The following PRPF6 variants were observed in gnomAD, a reference collection of about 807,000 sequenced individuals.
PRPF6 encodes the protein pre-mRNA processing factor 6.
Under a neutral mutation model 118.3 loss-of-function variants are expected in PRPF6, and 42 were observed. The ratio of observed to expected loss-of-function variants is 0.35; its 90% CI spans 0.28 to 0.46. The LOEUF is 0.46. Among genes scored for constraint, PRPF6 ranks in the 20% least tolerant of loss-of-function variants. The pLI is 1.00. For missense variants in PRPF6, 662 were observed against 1,255.7 expected, an observed-to-expected ratio of 0.53 and a Z score of 7.15; for synonymous variants, 481 against 485.1, an observed-to-expected ratio of 0.99 and a Z score of 0.11.
intron 12 of PRPF6, among the ~76,000 whole-genome samples, chr20:64,019,477 G>C (rs551175050): frequency 6.6e-6 from 1 of 152,288 alleles, no homozygotes; most frequent in East Asian, 1.9e-4. Flanking sequence ...GAGTAAGGAG[G>C]ACAGTGTTTT....
chr20:63,994,897 G>A lies in PRPF6; in HGVS notation c.439-19G>A, dbSNP rs771921120. The A allele has an allele frequency of 1.3e-5, 21 of 1,614,112 alleles. No homozygotes were observed. The highest frequency in any genetic ancestry group is 1.6e-5 in the Non-Finnish European group (19 of 1,180,016). On this transcript the variant is annotated intron_variant, in intron 4 of 20. Coordinates refer to ENST00000266079, the MANE Select transcript of PRPF6 (RefSeq NM_012469.4). ...ATTCTGTCAGAGAATTAATGTTTTTGGGGGCTGGATATTTCCAGAGGAAGT... is the reference window on the plus strand; with the variant it reads ...ATTCTGTCAGAGAATTAATGTTTTTAGGGGCTGGATATTTCCAGAGGAAGT...
chr20:64,032,980 A>G lies in PRPF6; in HGVS notation c.2813A>G (p.Lys938Arg). The G allele has an allele frequency of 2.5e-6, 4 of 1,613,324 alleles. No homozygotes were observed. The highest frequency in any genetic ancestry group is 1.7e-5 in the Admixed American group (1 of 60,026). The change falls in exon 21 of 21, where the codon AAG (lysine) becomes AGG (arginine). Residue 938 changes from lysine to arginine, a missense_variant. Lys to Arg is a conservative substitution (Grantham distance 26). This residue lies in a region of PRPF6 where 244 missense variants were observed against 383.7 expected (regional missense o/e 0.64). Transcript: ENST00000266079. The part of the protein sequence containing the change: ...DILRLVAGRI[K>R]NTF ...CTTAGGCTGGTGGCCGGCCGCATCA[A>G]GAACACCTTCTGATTGAGCGGTTGC...
intron 9 of PRPF6, among the ~76,000 whole-genome samples, chr20:64,005,176 G>T (rs2059184446): frequency 6.6e-6 from 1 of 152,134 alleles, no homozygotes; most frequent in South Asian, 2.1e-4. Context: ...AAGCACCTGG[G>T]GAAGGTGACC....
In PRPF6 at chr20:64,010,253, G is replaced by A; in HGVS notation, c.1240G>A (p.Glu414Lys). ...VRLWKAAVELEEPEDARIMLS... is the reference protein window; with the variant it reads ...VRLWKAAVELKEPEDARIMLS... ...CTTGTGGAAAGCAGCCGTTGAGCTG[G>A]AAGAACCTGAAGATGCTAGAATCAT... Residue 414 changes from glutamate to lysine, a missense_variant, in exon 10 of 21, where the codon GAA becomes AAA. By Grantham distance (56) the Glu-to-Lys change is moderately conservative (BLOSUM62 1). Around this residue, in one of 10 missense-constraint regions of PRPF6, gnomAD observed 189 missense variants for 323.5 expected, o/e 0.58. Transcript: ENST00000266079. The A allele has an allele frequency of 6.2e-7, 1 of 1,614,156 alleles. No individual in the cohort carries two copies. The highest frequency in any genetic ancestry group is 8.5e-7 in the Non-Finnish European group (1 of 1,180,040).
intron 3 of PRPF6, among the ~76,000 whole-genome samples, chr20:63,991,983 T>C (rs1432582797): frequency 1.3e-5 from 2 of 152,164 alleles, no homozygotes; most frequent in Non-Finnish European, 2.9e-5. Flanking sequence ...GTGAACTATT[T>C]ACTTGGAAGA....
In PRPF6 at chr20:64,028,487, C is replaced by G; in HGVS notation, c.2349C>G (p.Ser783=). 6.2e-7 allele frequency: 1 copy of G among 1,613,840 alleles called. No individual in the cohort carries two copies. The highest frequency in any genetic ancestry group is 8.5e-7 in the Non-Finnish European group (1 of 1,179,972). ...NPKNPGLWLE[S]VRLEYRAGLK... Reference sequence around the variant, plus strand: ...GGGCCTGTCTCCTCAGGTTGGAGTCCGTGCGGCTGGAGTACCGTGCGGGGC... The same window carrying G: ...GGGCCTGTCTCCTCAGGTTGGAGTCGGTGCGGCTGGAGTACCGTGCGGGGC... The change falls in exon 18 of 21, where the codon TCC becomes TCG. Residue 783 remains serine, a synonymous_variant. Transcript: ENST00000266079. This position sits in a 1 kb window ranked among gnomAD's most constrained non-coding sequence, Gnocchi z 6.5.
intron 10 of PRPF6, 139 bp downstream of exon 10, chr20:64,010,457 A>T: frequency 1.3e-6 from 1 of 769,026 alleles, no homozygotes; most frequent in Non-Finnish European, 2.3e-6. Flanking sequence ...GGCCCTGTGG[A>T]ACCCCAGGAT....
At chr20:63,997,845 G>T (rs1183018105) in intron 6 of PRPF6, among the ~76,000 whole-genome samples, 1 of 152,056 alleles carries the variant, frequency 6.6e-6, no homozygotes, top group Non-Finnish European at 1.5e-5. Context: ...AAAGTGCTGG[G>T]ATTACAGGCA....
At chr20:63,993,671 C>T (rs985820747) in intron 4 of PRPF6, among the ~76,000 whole-genome samples, 186 bp downstream of exon 4, 1 of 149,284 alleles carries the variant, frequency 6.7e-6, no homozygotes. Context: ...AAAACCCTTC[C>T]CCTACTGTAA....
chr20:64,006,316 C>CTTTT lies in PRPF6; in HGVS notation c.1187-3869_1187-3866dup, dbSNP rs5842437. 9.8e-5 allele frequency among the ~76,000 whole-genome samples: 10 copies of CTTTT among 102,524 alleles called. No individual in the cohort carries two copies. In the South Asian group the frequency reaches 3.4e-3, roughly 35 times the overall value. 67.3% of individuals were successfully genotyped at this position (102,524 alleles called of 152,430 possible). ...CCTTTGGAGTAGCTCGTAGCTTGCT[C>CTTTT]TTTTTTTTTTTTTTTTTTGAGACTG... On this transcript the variant is annotated intron_variant, in intron 9 of 20. Coordinates refer to ENST00000266079, the MANE Select transcript of PRPF6 (RefSeq NM_012469.4).
At chr20:64,016,266 G>A (rs894260567) in intron 11 of PRPF6, among the ~76,000 whole-genome samples, 4 of 151,916 alleles carry the variant, frequency 2.6e-5, no homozygotes, top group Non-Finnish European at 5.9e-5. Context: ...GGGATTACGG[G>A]CACCCACCAC....
Position 64,032,052 on chromosome 20 carries a change from C to T in PRPF6, c.2673+8C>T, listed in dbSNP as rs1197036812. On this transcript the variant is annotated splice_region_variant and intron_variant, in intron 20 of 20. Coordinates refer to ENST00000266079, the MANE Select transcript of PRPF6 (RefSeq NM_012469.4). Reference sequence around the variant, plus strand: ...CTGCAGCATGGCACTGAGGTGAGGCCCCTCGACAGACCGCCGCTCAGTGCC... The same window carrying T: ...CTGCAGCATGGCACTGAGGTGAGGCTCCTCGACAGACCGCCGCTCAGTGCC... 3 of 1,613,764 alleles carry T rather than the reference C, an allele frequency of 1.9e-6. No individual in the cohort carries two copies. The highest frequency in any genetic ancestry group is 2.5e-6 in the Non-Finnish European group (3 of 1,180,032).
chr20:64,005,185 C>T (rs1303858760), intron 9 of PRPF6, among the ~76,000 whole-genome samples: 2 of 152,114 alleles, frequency 1.3e-5, no homozygotes, highest in African/African-American at 4.8e-5. Flanking sequence ...GGGAAGGTGA[C>T]CTTGTTGGTT....
rs150335671 is a variant in PRPF6, at chr20:63,987,245, G to A, written c.359+2220G>A. 5.6e-4 allele frequency among the ~76,000 whole-genome samples: 84 copies of A among 149,848 alleles called. No individual in the cohort carries two copies. In the East Asian group the frequency reaches 0.015, roughly 26 times the overall value. ...TATACAGCTGGATGGGGTGGTTCAC[G>A]CCTGTAATCACAGCCCTTTGGGAGG... On this transcript the variant is annotated intron_variant, in intron 3 of 20. Transcript: ENST00000266079.
chr20:63,993,890 C>T (rs971678193), intron 4 of PRPF6, among the ~76,000 whole-genome samples: 5 of 151,732 alleles, frequency 3.3e-5, no homozygotes, highest in Admixed American at 1.3e-4. Context: ...GCTGGGATTA[C>T]AGGTGCCTGC....
chr20:64,006,070 G>A lies in PRPF6; in HGVS notation c.1187-4130G>A, dbSNP rs2059188559. On this transcript the variant is annotated intron_variant, in intron 9 of 20. Coordinates refer to ENST00000266079, the MANE Select transcript of PRPF6 (RefSeq NM_012469.4). ...TCTTTATCCCCAAAGGGTCTGACTTGTTGGTAGTTTTGCTTTTTTGGTGGC... is the reference window on the plus strand; with the variant it reads ...TCTTTATCCCCAAAGGGTCTGACTTATTGGTAGTTTTGCTTTTTTGGTGGC... Among the ~76,000 whole-genome samples the A allele has an allele frequency of 2.0e-5, 3 of 152,152 alleles. No homozygotes were observed. The South Asian group carries it at 6.2e-4, about 31-fold the overall frequency.
intron 1 of PRPF6, among the ~76,000 whole-genome samples, chr20:63,982,785 C>T (rs143578670): frequency 1.3e-5 from 2 of 152,078 alleles, no homozygotes; most frequent in East Asian, 3.9e-4. Flanking sequence ...GGTTTAAGGG[C>T]CTGGTTGGAT....
intron 6 of PRPF6, among the ~76,000 whole-genome samples, chr20:63,996,689 G>C (rs2059142364): frequency 6.6e-6 from 1 of 152,146 alleles, no homozygotes; most frequent in African/African-American, 2.4e-5. Context: ...CACTTTGAGA[G>C]ACCAAGGTAG....
intron 3 of PRPF6, among the ~76,000 whole-genome samples, chr20:63,992,598 T>A (rs2059123555): frequency 6.6e-6 from 1 of 152,184 alleles, no homozygotes; most frequent in Middle Eastern, 3.2e-3. Flanking sequence ...TGGGATTTTG[T>A]GAATTTTCAA....
Sources: allele counts gnomAD v4.1 joint callset (sites outside exome capture counted in the v4.1 genomes callset), GRCh38; gene constraint gnomAD v4.1.1; regional missense constraint gnomAD v4.1.1; non-coding constraint Gnocchi (gnomAD v3.1); transcripts MANE v1.5; gene names NCBI Gene and HGNC (gene_info 2026-07-23, HGNC 2026-07-21).